Variants in GBF1 observed in about 807,000 individuals in gnomAD.
GBF1 encodes golgi brefeldin A resistant guanine nucleotide exchange factor 1.
In GBF1, 114 loss-of-function variants were observed where a neutral mutation model predicts 210.5. That is an observed-to-expected ratio of 0.54 (90% CI 0.47 to 0.63). The LOEUF (loss-of-function observed/expected upper bound fraction) is 0.63, where lower values mean the gene tolerates loss of function less well. GBF1 is among the 30% of genes least tolerant of loss of function. The pLI is 0.00. For synonymous variants in GBF1, 850 were observed against 889.2 expected (o/e 0.96, Z 0.78); for missense variants, 1,851 against 2,357.7 (o/e 0.79, Z 4.45).
At chr10:102,270,939 C>A (rs938853664) in intron 3 of GBF1, among the ~76,000 whole-genome samples, 4 of 152,094 alleles carry the variant, frequency 2.6e-5, no homozygotes, top group African/African-American at 9.7e-5. Flanking sequence ...TAGCTCCCAG[C>A]AGCTCAAGCG....
intron 3 of GBF1, among the ~76,000 whole-genome samples, chr10:102,294,710 C>CT (rs1240786871): frequency 5.3e-5 from 8 of 152,024 alleles, no homozygotes; most frequent in African/African-American, 1.9e-4. Context: ...TTTTACTGTA[C>CT]TTTTTCTGTG....
At chr10:102,231,024 G>A in the GBF1 span, 1 of 1,600,312 alleles carries the variant, frequency 6.2e-7, no homozygotes, top group South Asian at 1.1e-5. Flanking sequence ...GCGGCGCCGC[G>A]AAGCTGCCTT....
chr10:102,337,771 C>T (rs1285251355), intron 3 of GBF1, among the ~76,000 whole-genome samples: 4 of 151,810 alleles, frequency 2.6e-5, no homozygotes. Context: ...GCAGGAGAAT[C>T]GCTTGAACCC....
intron 10 of GBF1, 97 bp from the exon 11 acceptor site, chr10:102,359,170 A>G: frequency 1.2e-6 from 1 of 848,474 alleles, no homozygotes; most frequent in Admixed American, 1.9e-5. Flanking sequence ...TCTGTAGCCC[A>G]TTAGAGACAG....
At chr10:102,241,751 G>A (rs1448911732), upstream of GBF1, among the ~76,000 whole-genome samples, 5 of 152,234 alleles carry the variant, frequency 3.3e-5, no homozygotes, top group Admixed American at 1.3e-4. The surrounding 1 kb of genome is among the most constrained non-coding windows in gnomAD (Gnocchi z 6.7). Context: ...CCCTCCCCAC[G>A]TGGCAGAGAC....
intron 4 of GBF1, among the ~76,000 whole-genome samples, chr10:102,344,514 T>C (rs1788038299): frequency 6.6e-6 from 1 of 152,124 alleles, no homozygotes; most frequent in Non-Finnish European, 1.5e-5. Flanking sequence ...GGAGTCTCAC[T>C]CTGTCGCCCA....
chr10:102,296,176 A>G (rs917389688), intron 3 of GBF1, among the ~76,000 whole-genome samples: 7 of 152,202 alleles, frequency 4.6e-5, no homozygotes, highest in African/African-American at 1.4e-4. Flanking sequence ...CCAAGGTCAC[A>G]TAGCTTATCA....
intron 3 of GBF1, among the ~76,000 whole-genome samples, chr10:102,300,796 T>G (rs1477703230): frequency 6.6e-6 from 1 of 152,222 alleles, no homozygotes; most frequent in Non-Finnish European, 1.5e-5. Flanking sequence ...TGTACATATG[T>G]GACTAAGTTA....
At chr10:102,316,645 T>C (rs993621958) in intron 3 of GBF1, among the ~76,000 whole-genome samples, 1 of 152,240 alleles carries the variant, frequency 6.6e-6, no homozygotes, top group African/African-American at 2.4e-5. Context: ...ATCATAGTCA[T>C]TGAATTTCTG....
chr10:102,370,982 C>G, intron 29 of GBF1, 122 bp downstream of exon 29: 1 of 930,806 alleles, frequency 1.1e-6, no homozygotes, highest in Non-Finnish European at 1.6e-6. Context: ...AGTCCAGTGA[C>G]CAACCACAGG....
At chr10:102,340,931 C>A (rs2058140038) in intron 3 of GBF1, among the ~76,000 whole-genome samples, 1 of 151,934 alleles carries the variant, frequency 6.6e-6, no homozygotes. Context: ...GACATTAAAC[C>A]AAAACACAAT....
intron 24 of GBF1, 106 bp downstream of exon 24, chr10:102,369,493 G>T: frequency 5.4e-6 from 5 of 929,904 alleles, no homozygotes; most frequent in Non-Finnish European, 6.7e-6. Context: ...TGGGCCTGAT[G>T]CCTGCCACAG....
At chr10:102,262,298 C>T (rs2073336518) in intron 3 of GBF1, among the ~76,000 whole-genome samples, 3 of 151,960 alleles carry the variant, frequency 2.0e-5, no homozygotes, top group Non-Finnish European at 2.9e-5. Flanking sequence ...TGGCCTGTAC[C>T]GACTGGTACT....
intron 3 of GBF1, among the ~76,000 whole-genome samples, chr10:102,286,250 G>A (rs1469806100): frequency 1.4e-5 from 2 of 146,076 alleles, no homozygotes; most frequent in Non-Finnish European, 3.0e-5. Flanking sequence ...AATGTACTGT[G>A]GTCTATAATA....
Position 102,307,850 on chromosome 10 carries a change from CTT to C in GBF1, c.164-36200_164-36199del, listed in dbSNP as rs2078048163. ...TCCCAGTAGGAAAATGGGAGAAAGA[CTT>C]GAACAGACATTCACAATAGAGGATA... On this transcript the variant is annotated intron_variant, in intron 3 of 39. Transcript: ENST00000369983. 2.6e-5 allele frequency among the ~76,000 whole-genome samples: 4 copies of C among 152,008 alleles called. No individual in the cohort carries two copies. The South Asian group carries it at 8.3e-4, about 32-fold the overall frequency.
chr10:102,232,259 A>C, the GBF1 span, among the ~76,000 whole-genome samples: 1 of 152,230 alleles, frequency 6.6e-6, no homozygotes, highest in African/African-American at 2.4e-5. Context: ...TAGCATCCTA[A>C]GGACGCAGAG....
chr10:102,351,086 CAAAA>C (rs531631806), intron 4 of GBF1, among the ~76,000 whole-genome samples, 166 bp from the exon 5 acceptor site: 1 of 81,354 alleles, frequency 1.2e-5, no homozygotes, highest in Non-Finnish European at 2.7e-5. Context: ...GACTCTGTCT[CAAAA>C]AAAAAAAAAA....
intron 3 of GBF1, among the ~76,000 whole-genome samples, chr10:102,313,926 C>A (rs977329580): frequency 6.6e-6 from 1 of 152,074 alleles, no homozygotes; most frequent in African/African-American, 2.4e-5. Context: ...AGTATTTTCC[C>A]ACCTCTACCC....
chr10:102,351,039 A>G (rs767161294), intron 4 of GBF1, among the ~76,000 whole-genome samples: 15 of 151,234 alleles, frequency 9.9e-5, no homozygotes, highest in Non-Finnish European at 1.9e-4. Flanking sequence ...GTAAGCTGAG[A>G]TCACGTCATT....
Sources: gnomAD v4.1 joint callset for allele counts (sites outside exome capture counted in the v4.1 genomes callset) on GRCh38, gnomAD v4.1.1 for gene constraint, Gnocchi (gnomAD v3.1) non-coding constraint, MANE v1.5 for transcripts, NCBI Gene and HGNC (gene_info 2026-07-23, HGNC 2026-07-21) for gene names.